Variants in RALGAPA2 observed in about 807,000 individuals in gnomAD.
RALGAPA2 encodes the protein Ral GTPase activating protein catalytic subunit alpha 2.
RALGAPA2 carries 139 observed loss-of-function variants against 230.4 expected under a neutral mutation model. The ratio of observed to expected loss-of-function variants is 0.60; its 90% CI spans 0.53 to 0.69. The LOEUF (loss-of-function observed/expected upper bound fraction) is 0.69, where lower values mean the gene tolerates loss of function less well. Among genes scored for constraint, RALGAPA2 ranks in the 30% least tolerant of loss-of-function variants. RALGAPA2 has a pLI of 0.00. For synonymous variants in RALGAPA2, 847 were observed against 837.8 expected, an observed-to-expected ratio of 1.01 and a Z score of -0.19; for missense variants, 2,163 against 2,276.0, an observed-to-expected ratio of 0.95 and a Z score of 1.01.
At chr20:20,575,093 C>G (rs2064776512) in intron 20 of RALGAPA2, among the ~76,000 whole-genome samples, 1 of 152,178 alleles carries the variant, frequency 6.6e-6, no homozygotes, top group South Asian at 2.1e-4. Flanking sequence ...TTTGCTGGTG[C>G]TTCTTCATCT....
At chr20:20,698,413 T>C (rs2069205536) in intron 1 of RALGAPA2, among the ~76,000 whole-genome samples, 1 of 152,006 alleles carries the variant, frequency 6.6e-6, no homozygotes, top group Non-Finnish European at 1.5e-5. Flanking sequence ...TTGTTTGAGA[T>C]GGAGTCTCGC....
At chr20:20,466,934 T>C (rs950790745) in intron 37 of RALGAPA2, among the ~76,000 whole-genome samples, 16 of 152,230 alleles carry the variant, frequency 1.1e-4, no homozygotes, top group Admixed American at 1.3e-4. Flanking sequence ...AATCCTAATG[T>C]GTGACTTTGC....
intron 1 of RALGAPA2, among the ~76,000 whole-genome samples, chr20:20,698,310 G>A (rs1294648764): frequency 1.3e-5 from 2 of 150,036 alleles, no homozygotes; most frequent in South Asian, 4.2e-4. Flanking sequence ...TCACTCTGTC[G>A]TCCAGGCTGG....
chr20:20,620,634 A>G lies in RALGAPA2; in HGVS notation c.1234-4T>C, dbSNP rs1385862174. 6.2e-7 allele frequency: 1 copy of G among 1,603,478 alleles called. No homozygotes were observed. The stretch of plus-strand genomic sequence containing the variant: ...CACAGGAAGGCAACAAAAATGCCTG[A>G]AAGGAAAAGAGAAAACTCCCTTTAA... On this transcript the variant is annotated splice_region_variant and splice_polypyrimidine_tract_variant and intron_variant, in intron 10 of 39. Transcript: ENST00000202677.
At chr20:20,411,939 G>T in intron 38 of RALGAPA2, 88 bp downstream of exon 38, 1 of 1,505,852 alleles carries the variant, frequency 6.6e-7, no homozygotes. Flanking sequence ...TCTTAAATTT[G>T]CAAAGCATTT....
At chr20:20,589,694 TGTGTTGG>T (rs1422416141) in intron 17 of RALGAPA2, among the ~76,000 whole-genome samples, 2 of 152,090 alleles carry the variant, frequency 1.3e-5, no homozygotes, top group Non-Finnish European at 2.9e-5. Flanking sequence ...AAAAAGTGCC[TGTGTTGG>T]CCAGATGAAC....
intron 37 of RALGAPA2, among the ~76,000 whole-genome samples, chr20:20,418,172 C>T (rs2122830447): frequency 1.3e-5 from 2 of 152,240 alleles, no homozygotes; most frequent in Middle Eastern, 6.8e-3. Flanking sequence ...GAACGCCGAG[C>T]AAATCCATAA....
At chr20:20,632,050 A>T (rs1401202507) in intron 9 of RALGAPA2, among the ~76,000 whole-genome samples, 2 of 149,158 alleles carry the variant, frequency 1.3e-5, no homozygotes, top group African/African-American at 5.0e-5. Flanking sequence ...TTTGAGACAG[A>T]GTCTCGCTCA....
intron 1 of RALGAPA2, among the ~76,000 whole-genome samples, chr20:20,681,415 G>T (rs114142576): frequency 2.0e-5 from 3 of 152,294 alleles, no homozygotes; most frequent in African/African-American, 4.8e-5. Context: ...GTACTAGACA[G>T]TTTTGCTAAA....
At chr20:20,401,941 T>C (rs1265794975) in intron 38 of RALGAPA2, among the ~76,000 whole-genome samples, 1 of 152,260 alleles carries the variant, frequency 6.6e-6, no homozygotes, top group Non-Finnish European at 1.5e-5. Context: ...GTACAGGCCA[T>C]ACATTCTAGA....
chr20:20,588,361 CA>C lies in RALGAPA2; in HGVS notation c.2439+906del. Among the ~76,000 whole-genome samples the C allele has an allele frequency of 2.6e-5, 4 of 152,158 alleles. No homozygotes were observed. The East Asian group carries it at 5.8e-4, about 22-fold the overall frequency. On this transcript the variant is annotated intron_variant, in intron 18 of 39. Coordinates refer to ENST00000202677, the MANE Select transcript of RALGAPA2 (RefSeq NM_020343.4). ...AAAATATGTAACTGAGTAAACAAAG[CA>C]ACAATACTTTATTAAAAAATTCAAA...
intron 37 of RALGAPA2, among the ~76,000 whole-genome samples, chr20:20,415,331 A>C (rs990451043): frequency 2.0e-5 from 3 of 152,244 alleles, no homozygotes; most frequent in African/African-American, 7.2e-5. Context: ...GCACCAGGTC[A>C]CCAATCCGAT....
intron 36 of RALGAPA2, among the ~76,000 whole-genome samples, chr20:20,474,822 C>T (rs2061616318): frequency 6.6e-6 from 1 of 152,116 alleles, no homozygotes; most frequent in African/African-American, 2.4e-5. Context: ...AGTAGCTATA[C>T]CATGCTAGAG....
intron 7 of RALGAPA2, among the ~76,000 whole-genome samples, chr20:20,637,906 A>G (rs762092327): frequency 1.4e-4 from 21 of 152,236 alleles, no homozygotes; most frequent in Non-Finnish European, 2.8e-4. Flanking sequence ...AATAGAAATT[A>G]AAGAAACAAT....
chr20:20,400,417 A>G (rs903584289), intron 38 of RALGAPA2, among the ~76,000 whole-genome samples: 1 of 152,168 alleles, frequency 6.6e-6, no homozygotes, highest in Non-Finnish European at 1.5e-5. Context: ...GTGTGCCTGT[A>G]TACGTGCTGC....
chr20:20,636,576 G>T (rs976868158), intron 8 of RALGAPA2, among the ~76,000 whole-genome samples: 1 of 152,000 alleles, frequency 6.6e-6, no homozygotes, highest in Admixed American at 6.6e-5. Flanking sequence ...GTGTGTGTGT[G>T]TGTGTGTACG....
At chr20:20,520,771 AAGGC>A in intron 31 of RALGAPA2, 142 bp downstream of exon 31, 1 of 567,516 alleles carries the variant, frequency 1.8e-6, no homozygotes, top group Non-Finnish European at 2.9e-6. Flanking sequence ...AGAAACAAGG[AAGGC>A]AGAATTTGCC....
chr20:20,712,274 C>T lies in RALGAPA2; in HGVS notation c.106+101G>A. ...GGGGGTCGGACGCCCACCCATCCCC[C>T]TCCCCAGCCTCCCAGCCACCGACCC... On this transcript the variant is annotated intron_variant, in intron 1 of 39. Transcript: ENST00000202677. The surrounding 1 kb of genome is among the most constrained non-coding windows in gnomAD (Gnocchi z 5.5). 3.1e-6 allele frequency: 3 copies of T among 972,170 alleles called. No homozygotes were observed. The highest frequency in any genetic ancestry group is 4.3e-6 in the Non-Finnish European group (3 of 697,080). The allele number at this position is 972,170 out of a possible 1,614,324, so 60.2% of individuals were successfully genotyped here.
rs1426083822 is a variant in RALGAPA2, at chr20:20,591,165, G to C, written c.2341+12C>G. The C allele has an allele frequency of 5.6e-6, 9 of 1,612,142 alleles. No individual in the cohort carries two copies. Among genetic ancestry groups the C allele is most frequent in the Non-Finnish European group, 5.1e-6 (6 of 1,179,286 alleles). Reference sequence around the variant, plus strand: ...CTATAGTTCTGTATTAAACACTGAAGACATCATGTACCCTGAGAAGAATCT... The same window carrying C: ...CTATAGTTCTGTATTAAACACTGAACACATCATGTACCCTGAGAAGAATCT... On this transcript the variant is annotated intron_variant, in intron 17 of 39. Transcript: ENST00000202677.
Sources: gnomAD v4.1 joint callset for allele counts (sites outside exome capture counted in the v4.1 genomes callset) on GRCh38, gnomAD v4.1.1 for gene constraint, Gnocchi (gnomAD v3.1) non-coding constraint, MANE v1.5 for transcripts, NCBI Gene and HGNC (gene_info 2026-07-23, HGNC 2026-07-21) for gene names.